RPN2: variants seen among roughly 807,000 people sequenced by gnomAD.
RPN2 encodes ribophorin II.
RPN2 carries 29 observed loss-of-function variants against 71.4 expected under a neutral mutation model. That is an observed-to-expected ratio of 0.41 (90% CI 0.30 to 0.55). RPN2 has a LOEUF of 0.55. Among genes scored for constraint, RPN2 ranks in the 20% least tolerant of loss-of-function variants. The pLI is 0.35. For synonymous variants in RPN2, 308 were observed against 305.0 expected (o/e 1.01, Z -0.10); for missense variants, 726 against 774.1 (o/e 0.94, Z 0.74).
rs534341590 is a variant in RPN2, at chr20:37,201,444, C to T, written c.479+2219C>T. 2.0e-5 allele frequency among the ~76,000 whole-genome samples: 3 copies of T among 152,142 alleles called. 1 individual carries two copies. Among genetic ancestry groups the T allele is most frequent in the South Asian group, 2.1e-4 (1 of 4,820 alleles). Reference sequence around the variant, plus strand: ...GGACTATAATCACATGCCACCACACCCAGCCATAAGCTTTACTTGCAGTGC... The same window carrying T: ...GGACTATAATCACATGCCACCACACTCAGCCATAAGCTTTACTTGCAGTGC... On this transcript the variant is annotated intron_variant, in intron 4 of 16. Transcript: ENST00000237530.
At chr20:37,202,569 T>G (rs1203245560) in intron 4 of RPN2, among the ~76,000 whole-genome samples, 1 of 152,194 alleles carries the variant, frequency 6.6e-6, no homozygotes, top group Non-Finnish European at 1.5e-5. Context: ...CTCTCCCAGT[T>G]TCACCCAGAA....
chr20:37,232,732 A>G lies in RPN2; in HGVS notation c.1677+341A>G, dbSNP rs537004199. 1.4e-4 allele frequency among the ~76,000 whole-genome samples: 21 copies of G among 152,314 alleles called. No homozygotes were observed. The South Asian group carries it at 2.1e-3, about 15-fold the overall frequency. ...GCTGGTAGCTATAAAAAACAGCACA[A>G]AGGCTGTGGATTTCAGCACTGCTTG... On this transcript the variant is annotated intron_variant, in intron 14 of 16. Transcript: ENST00000237530.
intron 4 of RPN2, among the ~76,000 whole-genome samples, chr20:37,203,115 A>T (rs1600774739): frequency 1.3e-5 from 2 of 152,070 alleles, no homozygotes; most frequent in East Asian, 3.9e-4. Context: ...TGTAAAGATG[A>T]GGTCTCACTG....
chr20:37,208,836 A>C (rs1050345240), intron 7 of RPN2, among the ~76,000 whole-genome samples: 3 of 152,214 alleles, frequency 2.0e-5, no homozygotes, highest in Admixed American at 1.3e-4. Context: ...TTGGGTTTCC[A>C]CTTAGGACAG....
At chr20:37,211,194 C>T (rs572401084) in intron 8 of RPN2, among the ~76,000 whole-genome samples, 1 of 151,894 alleles carries the variant, frequency 6.6e-6, no homozygotes, top group East Asian at 2.0e-4. Flanking sequence ...GACACTACGC[C>T]TGGCTAATTT....
chr20:37,198,275 A>G (rs2067297066), intron 2 of RPN2, 122 bp from the exon 3 acceptor site: 2 of 1,560,176 alleles, frequency 1.3e-6, no homozygotes, highest in South Asian at 2.3e-5. Flanking sequence ...ACTTAACTAA[A>G]TTCATGTAGC....
chr20:37,220,942 T>G (rs547669558), intron 9 of RPN2, among the ~76,000 whole-genome samples: 3 of 152,296 alleles, frequency 2.0e-5, no homozygotes, highest in South Asian at 2.1e-4. Context: ...AGGAAACCTT[T>G]TAAAATTGGG....
At chr20:37,187,971 A>C (rs1316917106) in intron 2 of RPN2, among the ~76,000 whole-genome samples, 1 of 151,774 alleles carries the variant, frequency 6.6e-6, no homozygotes. Flanking sequence ...ATTCTGTTTT[A>C]TATCTTCTAT....
intron 4 of RPN2, among the ~76,000 whole-genome samples, chr20:37,202,015 G>A (rs1028075497): frequency 6.6e-6 from 1 of 152,166 alleles, no homozygotes; most frequent in Non-Finnish European, 1.5e-5. Flanking sequence ...CAGAGAAAAA[G>A]AAATTGCTGG....
chr20:37,207,211 C>G, intron 6 of RPN2, 62 bp from the exon 7 acceptor site: 1 of 1,329,606 alleles, frequency 7.5e-7, no homozygotes. Flanking sequence ...TCCTCTACAG[C>G]AGTGGCCCTC....
At chr20:37,222,330 C>T (rs986292383) in intron 9 of RPN2, among the ~76,000 whole-genome samples, 2 of 152,116 alleles carry the variant, frequency 1.3e-5, no homozygotes, top group African/African-American at 4.8e-5. Flanking sequence ...GCTATGAATT[C>T]ATAGGTGGCT....
intron 8 of RPN2, among the ~76,000 whole-genome samples, chr20:37,211,152 A>G (rs2067652938): frequency 6.6e-6 from 1 of 151,764 alleles, no homozygotes; most frequent in Non-Finnish European, 1.5e-5. Context: ...CTCCTGCCTT[A>G]GCTTCCCGAG....
chr20:37,211,375 C>T lies in RPN2; in HGVS notation c.986+1210C>T, dbSNP rs577121033. Among the ~76,000 whole-genome samples the T allele has an allele frequency of 8.4e-4, 126 of 150,452 alleles. 1 individual carries two copies. The highest frequency in any genetic ancestry group is 2.2e-3 in the Admixed American group (34 of 15,164). On this transcript the variant is annotated intron_variant, in intron 8 of 16. Coordinates refer to ENST00000237530, the MANE Select transcript of RPN2 (RefSeq NM_002951.5). ...GATGGGGGCCAGGTGTGGCAGCTCA[C>T]GCCTGTAATCCCAGCACTTTGGGGG...
At chr20:37,225,248 C>A (rs957688939) in intron 10 of RPN2, among the ~76,000 whole-genome samples, 1 of 152,206 alleles carries the variant, frequency 6.6e-6, no homozygotes, top group Admixed American at 6.5e-5. Flanking sequence ...ACCCTTCTTT[C>A]TTTTGTGTCT....
Position 37,203,943 on chromosome 20 carries a change from A to G in RPN2, c.538A>G (p.Ile180Val). 6.2e-7 allele frequency: 1 copy of G among 1,613,656 alleles called. No individual in the cohort carries two copies. The highest frequency in any genetic ancestry group is 2.2e-5 in the East Asian group (1 of 44,878). ...HLSQQADLRSIVEEIEDLVAR... is the reference protein window; with the variant it reads ...HLSQQADLRSVVEEIEDLVAR... ...GTCCCAGCAGGCTGACCTGAGGAGC[A>G]TCGTGGAGGAGATTGAGGTGTGAAT... Residue 180 changes from isoleucine to valine, a missense_variant, in exon 5 of 17, where the codon ATC becomes GTC. By Grantham distance (29) the Ile-to-Val change is conservative. Coordinates refer to ENST00000237530, the MANE Select transcript of RPN2 (RefSeq NM_002951.5).
At chr20:37,192,652 T>G (rs577500711) in intron 2 of RPN2, among the ~76,000 whole-genome samples, 1 of 152,320 alleles carries the variant, frequency 6.6e-6, no homozygotes, top group Admixed American at 6.5e-5. Flanking sequence ...CTTAAGAATA[T>G]GTTGTCTAAT....
At chr20:37,227,836 G>T (rs2146678207) in intron 11 of RPN2, among the ~76,000 whole-genome samples, 1 of 152,276 alleles carries the variant, frequency 6.6e-6, no homozygotes, top group South Asian at 2.1e-4. Context: ...CCATCGTATT[G>T]CTATTAACTA....
chr20:37,223,997 G>T, intron 10 of RPN2, 28 bp downstream of exon 10: 1 of 1,585,184 alleles, frequency 6.3e-7, no homozygotes, highest in South Asian at 1.1e-5. Flanking sequence ...TGATCACTCA[G>T]GGAGCTGAGG....
chr20:37,196,292 G>A (rs1398983023), intron 2 of RPN2, among the ~76,000 whole-genome samples: 3 of 151,986 alleles, frequency 2.0e-5, no homozygotes, highest in East Asian at 3.9e-4. Flanking sequence ...GCAGTGGCAC[G>A]ATCTTGGCTC....
Sources: gnomAD v4.1 joint callset for allele counts (sites outside exome capture counted in the v4.1 genomes callset) on GRCh38, gnomAD v4.1.1 for gene constraint, MANE v1.5 for transcripts, NCBI Gene and HGNC (gene_info 2026-07-23, HGNC 2026-07-21) for gene names.